Variants in CDH12 observed in about 807,000 individuals in gnomAD.
The protein encoded by CDH12 is cadherin 12, also known as cadherin-12.
A neutral mutation model predicts 74.1 loss-of-function variants in CDH12; 41 were observed. The observed-to-expected ratio is 0.55, with a 90% CI of 0.43 to 0.72. CDH12 has a LOEUF of 0.72. CDH12 is among the 30% of genes least tolerant of loss of function. The pLI, the probability that CDH12 is intolerant of heterozygous loss-of-function variation, is 0.00. For missense variants in CDH12, 945 were observed against 977.2 expected (o/e 0.97, Z 0.44); for synonymous variants, 399 against 355.0 (o/e 1.12, Z -1.39).
At position 21,765,928 on chromosome 5, in the gene CDH12, C is replaced by T. The variant is rs1027077436; in HGVS notation, c.1394-829G>A. Among the ~76,000 whole-genome samples, 3 of 151,970 alleles carry T rather than the reference C, an allele frequency of 2.0e-5. No individual in the cohort carries two copies. In the South Asian group the frequency reaches 6.2e-4, roughly 31 times the overall value. ...TTATGAAGTGTTGCAGATGGATGAA[C>T]TGTTTTGCTGAAAAGACCTCTTGCT... On this transcript the variant is annotated intron_variant, in intron 11 of 14. Transcript: ENST00000382254.
chr5:22,428,347 A>C (rs1234671098), intron 2 of CDH12, among the ~76,000 whole-genome samples: 1 of 152,094 alleles, frequency 6.6e-6, no homozygotes. Context: ...TTTCTTTTAC[A>C]TGGAGTATGA....
chr5:22,201,969 G>A (rs1471355210), intron 4 of CDH12, among the ~76,000 whole-genome samples: 3 of 152,120 alleles, frequency 2.0e-5, no homozygotes, highest in African/African-American at 7.2e-5. Context: ...GTCAGAAGTG[G>A]GAAGGCAAAG....
intron 4 of CDH12, among the ~76,000 whole-genome samples, chr5:22,103,572 G>A (rs762537899): frequency 6.6e-6 from 1 of 152,106 alleles, no homozygotes; most frequent in African/African-American, 2.4e-5. Context: ...AATCCTTATC[G>A]CTTCTTATGC....
chr5:22,499,736 T>A (rs1747258305), intron 2 of CDH12, among the ~76,000 whole-genome samples: 1 of 152,184 alleles, frequency 6.6e-6, no homozygotes, highest in African/African-American at 2.4e-5. Context: ...CAAATTACAG[T>A]ATCTGGCATG....
chr5:22,627,039 C>G, intron 1 of CDH12, among the ~76,000 whole-genome samples: 1 of 151,990 alleles, frequency 6.6e-6, no homozygotes, highest in East Asian at 1.9e-4. Flanking sequence ...TTAACTCAGT[C>G]AAACAAAAAC....
At chr5:22,591,538 C>G (rs1465824186) in intron 1 of CDH12, among the ~76,000 whole-genome samples, 1 of 152,064 alleles carries the variant, frequency 6.6e-6, no homozygotes, top group African/African-American at 2.4e-5. Flanking sequence ...GTCTGTAAAA[C>G]AAGTTCCTGT....
In CDH12 at chr5:22,267,871, T is replaced by C. The variant is rs552277365; in HGVS notation, c.-332-55228A>G. On this transcript the variant is annotated intron_variant, in intron 3 of 14. Coordinates refer to ENST00000382254, the MANE Select transcript of CDH12 (RefSeq NM_004061.5). The stretch of plus-strand genomic sequence containing the variant: ...AGAAAATAGAGCTGAAGCCTGGACG[T>C]AGACTACCTGGCTTCTTTTGCATGT... Among the ~76,000 whole-genome samples the C allele has an allele frequency of 3.7e-4, 56 of 152,278 alleles. 1 individual carries two copies. The South Asian group carries it at 3.7e-3, about 10-fold the overall frequency.
intron 2 of CDH12, among the ~76,000 whole-genome samples, chr5:22,447,893 G>C (rs1482196671): frequency 6.7e-6 from 1 of 148,816 alleles, no homozygotes; most frequent in African/African-American, 2.5e-5. Flanking sequence ...TGTAATACCA[G>C]CACTTTGGGG....
chr5:22,110,340 C>A (rs750032437), intron 4 of CDH12, among the ~76,000 whole-genome samples: 2 of 152,032 alleles, frequency 1.3e-5, no homozygotes, highest in African/African-American at 2.4e-5. Flanking sequence ...CACACAAAGA[C>A]AATGGCATGA....
At chr5:22,052,846 T>G (rs1166608127) in intron 5 of CDH12, among the ~76,000 whole-genome samples, 3 of 152,070 alleles carry the variant, frequency 2.0e-5, no homozygotes, top group African/African-American at 7.2e-5. Context: ...TAAAAACAAA[T>G]TAACAGCATC....
intron 11 of CDH12, among the ~76,000 whole-genome samples, chr5:21,768,527 T>C (rs1473913225): frequency 1.3e-5 from 2 of 151,966 alleles, no homozygotes; most frequent in Non-Finnish European, 2.9e-5. Context: ...AATTGCTTTA[T>C]GCAAGAACAT....
intron 2 of CDH12, among the ~76,000 whole-genome samples, chr5:22,465,405 G>C (rs539783451): frequency 6.6e-6 from 1 of 152,286 alleles, no homozygotes; most frequent in South Asian, 2.1e-4. Flanking sequence ...AGTACTTTGT[G>C]AGGGCGAATA....
chr5:22,089,520 A>C (rs1743290019), intron 4 of CDH12, among the ~76,000 whole-genome samples: 1 of 152,212 alleles, frequency 6.6e-6, no homozygotes, highest in African/African-American at 2.4e-5. Context: ...TCAAATGAAA[A>C]TGTTATTAAA....
At chr5:22,846,276 A>G (rs1737297720) in intron 1 of CDH12, among the ~76,000 whole-genome samples, 1 of 152,208 alleles carries the variant, frequency 6.6e-6, no homozygotes, top group African/African-American at 2.4e-5. Flanking sequence ...ATTCCTAGAT[A>G]GAAATATTGA....
At chr5:21,812,641 A>G (rs559667602) in intron 9 of CDH12, among the ~76,000 whole-genome samples, 46 of 152,274 alleles carry the variant, frequency 3.0e-4, no homozygotes, top group African/African-American at 1.1e-3. Context: ...ATATTTTCTC[A>G]CATTTTTATT....
intron 2 of CDH12, among the ~76,000 whole-genome samples, chr5:22,495,557 G>T (rs1183829313): frequency 6.6e-6 from 1 of 152,062 alleles, no homozygotes; most frequent in Admixed American, 6.6e-5. Context: ...CATGAAAAGA[G>T]TCTGACAAGT....
intron 5 of CDH12, among the ~76,000 whole-genome samples, chr5:22,054,920 G>A (rs1740634125): frequency 6.6e-6 from 1 of 152,152 alleles, no homozygotes; most frequent in African/African-American, 2.4e-5. Context: ...GCAGGTGTGT[G>A]ATTTAATAGA....
chr5:21,880,665 TTCTTTCTTTCTTTCTTTCTTTCTTTCTC>T (rs1752288481), intron 6 of CDH12, among the ~76,000 whole-genome samples: 1 of 138,576 alleles, frequency 7.2e-6, no homozygotes, highest in African/African-American at 2.7e-5. Flanking sequence ...CTTTCTTTCT[TTCTTTCTTTCTTTCTTTCTTTCTTTCTC>T]TTTTCTCCTT....
chr5:21,936,614 AAT>A (rs1391926814), intron 6 of CDH12, among the ~76,000 whole-genome samples: 1 of 152,174 alleles, frequency 6.6e-6, no homozygotes, highest in African/African-American at 2.4e-5. Context: ...AAGAAATTAA[AAT>A]ATGTCAATCT....
Sources: gnomAD v4.1 joint callset for allele counts (sites outside exome capture counted in the v4.1 genomes callset) on GRCh38, gnomAD v4.1.1 for gene constraint, MANE v1.5 for transcripts, NCBI Gene and HGNC (gene_info 2026-07-23, HGNC 2026-07-21) for gene names.